The following SNTG1 variants were observed in gnomAD, a reference collection of about 807,000 sequenced individuals.
The protein encoded by SNTG1 is syntrophin gamma 1.
A neutral mutation model predicts 74.7 loss-of-function variants in SNTG1; 39 were observed. The ratio of observed to expected loss-of-function variants is 0.52; its 90% confidence interval spans 0.40 to 0.68. The LOEUF (loss-of-function observed/expected upper bound fraction) is 0.68, where lower values mean the gene tolerates loss of function less well. Among genes scored for constraint, SNTG1 ranks in the 30% least tolerant of loss-of-function variants. The pLI is 0.00. For synonymous variants in SNTG1, 254 were observed against 217.1 expected (o/e 1.17, Z -1.49); for missense variants, 685 against 609.5 (o/e 1.12, Z -1.30).
intron 1 of SNTG1, among the ~76,000 whole-genome samples, chr8:50,141,211 G>A (rs2081644674): frequency 1.3e-5 from 2 of 152,144 alleles, no homozygotes; most frequent in Non-Finnish European, 2.9e-5. Flanking sequence ...ATGGGAATAG[G>A]ATTGCCAGAT....
intron 1 of SNTG1, among the ~76,000 whole-genome samples, chr8:50,101,941 C>T (rs1414159890): frequency 6.6e-6 from 1 of 152,068 alleles, no homozygotes; most frequent in African/African-American, 2.4e-5. Context: ...GCCACATTTT[C>T]TTAATCCAGT....
chr8:50,140,869 T>C lies in SNTG1; in HGVS notation c.-102-31692T>C, dbSNP rs1468598529. On this transcript the variant is annotated intron_variant, in intron 1 of 18. Transcript: ENST00000642720. Reference sequence around the variant, plus strand: ...TCACACATCATTGTACAAATACTTGTATACATTGGTTCCATTATAAAGAAG... The same window carrying C: ...TCACACATCATTGTACAAATACTTGCATACATTGGTTCCATTATAAAGAAG... 2.0e-5 allele frequency among the ~76,000 whole-genome samples: 3 copies of C among 152,176 alleles called. No individual in the cohort carries two copies. The East Asian group carries it at 5.8e-4, about 29-fold the overall frequency.
At chr8:50,483,339 G>A (rs1476716595) in intron 8 of SNTG1, among the ~76,000 whole-genome samples, 1 of 151,820 alleles carries the variant, frequency 6.6e-6, no homozygotes, top group Non-Finnish European at 1.5e-5. Flanking sequence ...CAACATATAA[G>A]GCAGACAATT....
intron 15 of SNTG1, among the ~76,000 whole-genome samples, chr8:50,684,032 T>G (rs994773183): frequency 5.9e-5 from 9 of 152,168 alleles, no homozygotes; most frequent in Admixed American, 2.6e-4. Flanking sequence ...ACATACAAAT[T>G]ATTAAAGATT....
At chr8:50,261,303 G>C (rs540482609) in intron 2 of SNTG1, among the ~76,000 whole-genome samples, 1 of 152,242 alleles carries the variant, frequency 6.6e-6, no homozygotes, top group Admixed American at 6.5e-5. Flanking sequence ...TTCCATTCAA[G>C]TGAAATTATT....
chr8:50,461,207 C>T, intron 8 of SNTG1, among the ~76,000 whole-genome samples: 2 of 94,166 alleles, frequency 2.1e-5, no homozygotes, highest in South Asian at 3.7e-4. Flanking sequence ...GTGTGTGTGA[C>T]TGTACTGGGT....
chr8:50,635,384 T>G (rs1691845823), intron 13 of SNTG1, among the ~76,000 whole-genome samples: 1 of 151,654 alleles, frequency 6.6e-6, no homozygotes, highest in African/African-American at 2.4e-5. Context: ...GGGCAGTGAG[T>G]TTTTTCAGGC....
chr8:49,967,352 C>T (rs1811235846), intron 1 of SNTG1, among the ~76,000 whole-genome samples: 1 of 152,190 alleles, frequency 6.6e-6, no homozygotes. Context: ...ACATGTGACA[C>T]AGCCATTTGT....
At chr8:50,080,042 T>C (rs895993229) in intron 1 of SNTG1, among the ~76,000 whole-genome samples, 2 of 152,128 alleles carry the variant, frequency 1.3e-5, no homozygotes, top group African/African-American at 4.8e-5. Context: ...CTTGTTTTTC[T>C]AATTTCATTT....
At chr8:50,007,853 G>T (rs981989668) in intron 1 of SNTG1, among the ~76,000 whole-genome samples, 1 of 152,098 alleles carries the variant, frequency 6.6e-6, no homozygotes, top group Non-Finnish European at 1.5e-5. Context: ...ATTCCTCATG[G>T]CTAGAGAGAC....
At chr8:50,270,595 T>C (rs191259878) in intron 2 of SNTG1, among the ~76,000 whole-genome samples, 1 of 152,270 alleles carries the variant, frequency 6.6e-6, no homozygotes, top group East Asian at 1.9e-4. Context: ...TAAGCTAGAT[T>C]TGAGAACTTT....
chr8:49,975,705 A>T (rs892739928), intron 1 of SNTG1, among the ~76,000 whole-genome samples: 10 of 151,940 alleles, frequency 6.6e-5, no homozygotes, highest in African/African-American at 2.4e-4. Context: ...CCGAGGAAAG[A>T]TTTCTCCTGT....
At chr8:50,662,500 A>G (rs2095229333) in intron 15 of SNTG1, among the ~76,000 whole-genome samples, 1 of 152,200 alleles carries the variant, frequency 6.6e-6, no homozygotes, top group Non-Finnish European at 1.5e-5. Flanking sequence ...GAGATTTGGA[A>G]ACTGAGGCAA....
At chr8:50,596,583 A>G (rs2094728643) in intron 13 of SNTG1, among the ~76,000 whole-genome samples, 1 of 152,008 alleles carries the variant, frequency 6.6e-6, no homozygotes, top group South Asian at 2.1e-4. Flanking sequence ...CCAAAATACA[A>G]ATTGATCACA....
chr8:49,989,478 C>G (rs1429448642), intron 1 of SNTG1, among the ~76,000 whole-genome samples: 1 of 151,858 alleles, frequency 6.6e-6, no homozygotes, highest in African/African-American at 2.4e-5. Context: ...AAATTAAAGT[C>G]CAGGTTTTAC....
intron 2 of SNTG1, among the ~76,000 whole-genome samples, chr8:50,301,429 A>C (rs984608301): frequency 6.6e-6 from 1 of 152,060 alleles, no homozygotes; most frequent in Non-Finnish European, 1.5e-5. Context: ...TATGATGTCT[A>C]TCTCTTTATT....
At chr8:50,230,242 A>T (rs2085546865) in intron 2 of SNTG1, among the ~76,000 whole-genome samples, 1 of 151,438 alleles carries the variant, frequency 6.6e-6, no homozygotes, top group South Asian at 2.1e-4. Context: ...AACAGAAAAT[A>T]ATAGAGGAAA....
chr8:50,141,945 T>G (rs2081672456), intron 1 of SNTG1, among the ~76,000 whole-genome samples: 1 of 152,130 alleles, frequency 6.6e-6, no homozygotes, highest in Admixed American at 6.6e-5. Flanking sequence ...CAATGGCATA[T>G]AACTATTACA....
At chr8:50,069,433 A>G (rs1821165123) in intron 1 of SNTG1, among the ~76,000 whole-genome samples, 4 of 152,188 alleles carry the variant, frequency 2.6e-5, no homozygotes, top group Non-Finnish European at 5.9e-5. Flanking sequence ...GTTATTATCC[A>G]CAGAATATTT....
Sources: gnomAD v4.1 joint callset for allele counts (sites outside exome capture counted in the v4.1 genomes callset) on GRCh38, gnomAD v4.1.1 for gene constraint, MANE v1.5 for transcripts, NCBI Gene and HGNC (gene_info 2026-07-23, HGNC 2026-07-21) for gene names.